MAP3K21: variants seen among roughly 807,000 people sequenced by gnomAD.
MAP3K21 encodes mitogen-activated protein kinase kinase kinase 21.
Under a neutral mutation model 86.1 loss-of-function variants are expected in MAP3K21, and 63 were observed. The observed-to-expected ratio is 0.73, with a 90% CI of 0.60 to 0.90. The LOEUF (loss-of-function observed/expected upper bound fraction) is 0.90, where lower values mean the gene tolerates loss of function less well. Among genes scored for constraint, MAP3K21 ranks in the 40% least tolerant of loss-of-function variants. The pLI, the probability that MAP3K21 is intolerant of heterozygous loss-of-function variation, is 0.00. For missense variants in MAP3K21, 1,220 were observed against 1,367.7 expected (o/e 0.89, Z 1.70); for synonymous variants, 558 against 564.8 (o/e 0.99, Z 0.17).
rs1293979087 is a variant in MAP3K21 at position 233,328,577 on chromosome 1, C to T, written c.549C>T (p.Ile183=). 1 of 1,527,356 alleles carries T rather than the reference C, an allele frequency of 6.5e-7. No homozygotes were observed. The highest frequency in any genetic ancestry group is 1.2e-5 in the South Asian group (1 of 83,356). The allele number at this position is 1,527,356 out of a possible 1,614,324, so 94.6% of individuals were successfully genotyped here. ...TCGCCATGCTGCGGCACCCCAACAT[C>T]ATCGAGCTGCGCGGCGTGTGCCTGC... ...RLFAMLRHPN[I]IELRGVCLQQ... Residue 183 remains isoleucine (I), a synonymous_variant, in exon 1 of 10, where the codon ATC becomes ATT. Coordinates refer to ENST00000366624, the MANE Select transcript of MAP3K21 (RefSeq NM_032435.3). The surrounding 1 kb of genome is among the most constrained non-coding windows in gnomAD (Gnocchi z 8.7).
rs555787597 is a variant in MAP3K21, at chr1:233,370,140, G to A, written c.1553-1898G>A. ...GCTAGGGATGACATGGTGATTGGCC[G>A]TGCAGATGGAGAGAACAAAAGGAAA... On this transcript the variant is annotated intron_variant, in intron 5 of 9. Transcript: ENST00000366624. Among the ~76,000 whole-genome samples, 8 of 152,288 alleles carry A rather than the reference G, an allele frequency of 5.3e-5. No individual in the cohort carries two copies. In the South Asian group the frequency reaches 1.0e-3, roughly 20 times the overall value.
At position 233,375,902 on chromosome 1, in the gene MAP3K21, A is replaced by G. The variant is rs1381696935; in HGVS notation, c.1676-14A>G. ...GATTGTTGTGGTTAATATGGTTAAT[A>G]ATGTTCTTTTTAGTGACTTCAGATG... On this transcript the variant is annotated splice_polypyrimidine_tract_variant and intron_variant, in intron 6 of 9. Transcript: ENST00000366624. 2 of 1,602,998 alleles carry G rather than the reference A, an allele frequency of 1.2e-6. No homozygotes were observed. Among genetic ancestry groups the G allele is most frequent in the South Asian group, 2.2e-5 (2 of 90,348 alleles).
intron 6 of MAP3K21, chr1:233,373,819 G>A (rs1376024305): frequency 6.6e-6 from 1 of 152,244 alleles, no homozygotes; most frequent in African/African-American, 2.4e-5. Context: ...ACATCTGAGT[G>A]TAGATTTCAC....
chr1:233,332,719 A>G (rs1662832478), intron 1 of MAP3K21, among the ~76,000 whole-genome samples: 1 of 152,250 alleles, frequency 6.6e-6, no homozygotes, highest in Non-Finnish European at 1.5e-5. Context: ...GGTTTGAAAT[A>G]TTAGAATTTT....
chr1:233,378,768 C>T (rs538517641), intron 8 of MAP3K21, among the ~76,000 whole-genome samples, 163 bp from the exon 9 acceptor site: 75 of 152,258 alleles, frequency 4.9e-4, no homozygotes, highest in African/African-American at 1.7e-3. Context: ...ACTCTTGCTC[C>T]ATGGAGCCCT....
chr1:233,382,729 T>A lies in MAP3K21; in HGVS notation c.*18T>A. Reference sequence around the variant, plus strand: ...TGTCTTAAACTAAGTGCCTTACTGTTGTTTAAGCATTTTTTTAAGGTGAAC... The same window carrying A: ...TGTCTTAAACTAAGTGCCTTACTGTAGTTTAAGCATTTTTTTAAGGTGAAC... On this transcript the variant is annotated 3_prime_UTR_variant, in exon 10 of 10. Coordinates refer to ENST00000366624, the MANE Select transcript of MAP3K21 (RefSeq NM_032435.3). 1 of 1,597,742 alleles carries A rather than the reference T, an allele frequency of 6.3e-7. No individual in the cohort carries two copies. The highest frequency in any genetic ancestry group is 2.2e-5 in the East Asian group (1 of 44,608).
At chr1:233,369,242 T>TAAA (rs1663639931) in intron 5 of MAP3K21, among the ~76,000 whole-genome samples, 2 of 76,004 alleles carry the variant, frequency 2.6e-5, no homozygotes, top group African/African-American at 8.6e-5. Flanking sequence ...AAAAAAAAAT[T>TAAA]AGCCAGGTGT....
chr1:233,345,250 A>G (rs953425231), intron 1 of MAP3K21, among the ~76,000 whole-genome samples: 1 of 152,232 alleles, frequency 6.6e-6, no homozygotes, highest in African/African-American at 2.4e-5. Context: ...CCAAAGGATT[A>G]TAAATCATGC....
intron 5 of MAP3K21, among the ~76,000 whole-genome samples, chr1:233,371,740 TA>T (rs1364641293): frequency 7.3e-6 from 1 of 136,388 alleles, no homozygotes; most frequent in Non-Finnish European, 1.5e-5. Context: ...GTGGCTTTCA[TA>T]TTTTCCTTTG....
intron 1 of MAP3K21, among the ~76,000 whole-genome samples, chr1:233,336,955 G>A (rs769407452): frequency 2.2e-4 from 34 of 152,174 alleles, no homozygotes; most frequent in South Asian, 2.1e-4. Context: ...GTATTCTGGC[G>A]TATGACTCTG....
chr1:233,380,451 A>G (rs1010303811), intron 9 of MAP3K21, among the ~76,000 whole-genome samples: 32 of 152,096 alleles, frequency 2.1e-4, no homozygotes, highest in Non-Finnish European at 1.3e-4. Flanking sequence ...TACAGACCCT[A>G]TTCCACATAC....
At chr1:233,335,182 A>G (rs1173201377) in intron 1 of MAP3K21, among the ~76,000 whole-genome samples, 3 of 152,002 alleles carry the variant, frequency 2.0e-5, no homozygotes, top group African/African-American at 4.8e-5. Flanking sequence ...AAGCACCCCA[A>G]TGAAGGAATT....
chr1:233,364,770 T>C lies in MAP3K21; in HGVS notation c.1552+2477T>C, dbSNP rs12041987. On this transcript the variant is annotated intron_variant, in intron 5 of 9. Transcript: ENST00000366624. The stretch of plus-strand genomic sequence containing the variant: ...TACACATTTATTTACTTTTTGGCAC[T>C]TAATGAAAGATTCCAGTTAAAACAT... 7.3e-4 allele frequency among the ~76,000 whole-genome samples: 111 copies of C among 152,298 alleles called. No individual in the cohort carries two copies. The East Asian group carries it at 0.02, about 28-fold the overall frequency.
At chr1:233,364,252 G>C (rs1347803104) in intron 5 of MAP3K21, among the ~76,000 whole-genome samples, 1 of 146,108 alleles carries the variant, frequency 6.8e-6, no homozygotes, top group Admixed American at 6.7e-5. Flanking sequence ...TCTGTCTTAC[G>C]TGTCAGTCAG....
At chr1:233,373,428 C>G (rs1466007724) in intron 6 of MAP3K21, 1 of 152,190 alleles carries the variant, frequency 6.6e-6, no homozygotes, top group African/African-American at 2.4e-5. Context: ...AAGATGTGTA[C>G]CAGTTAAAGT....
rs749308249 is a variant in MAP3K21 at position 233,328,321 on chromosome 1, C to G, written c.293C>G (p.Ala98Gly). The G allele has an allele frequency of 6.8e-7, 1 of 1,476,688 alleles. No homozygotes were observed. Among genetic ancestry groups the G allele is most frequent in the Non-Finnish European group, 8.9e-7 (1 of 1,122,032 alleles). 91.5% of individuals were successfully genotyped at this position (1,476,688 alleles called of 1,614,324 possible). Residue 98 changes from alanine (A) to glycine (G), a missense_variant, in exon 1 of 10, where the codon GCT becomes GGT. Ala to Gly is a moderately conservative substitution (Grantham distance 60). Transcript: ENST00000366624. The surrounding 1 kb of genome is among the most constrained non-coding windows in gnomAD (Gnocchi z 8.7). ...GGCATCTTCCCCGCCAACTACGTGGCTCCCTGCCGCCCGGCCGCCAGCCCC... is the reference window on the plus strand; with the variant it reads ...GGCATCTTCCCCGCCAACTACGTGGGTCCCTGCCGCCCGGCCGCCAGCCCC... ...RLGIFPANYVAPCRPAASPAP... is the reference protein window; with the variant it reads ...RLGIFPANYVGPCRPAASPAP...
At chr1:233,357,173 A>G (rs181766353) in intron 4 of MAP3K21, among the ~76,000 whole-genome samples, 344 of 152,252 alleles carry the variant, frequency 2.3e-3, no homozygotes, top group Non-Finnish European at 3.0e-3. Flanking sequence ...CAAACACTGC[A>G]TGTTCTCACT....
chr1:233,363,525 C>T (rs1167853435), intron 5 of MAP3K21, among the ~76,000 whole-genome samples: 2 of 151,730 alleles, frequency 1.3e-5, no homozygotes, highest in Non-Finnish European at 2.9e-5. Flanking sequence ...TGGTGAAACC[C>T]CCTCCGTCTC....
intron 1 of MAP3K21, among the ~76,000 whole-genome samples, chr1:233,338,503 A>T (rs985288043): frequency 6.6e-6 from 1 of 152,172 alleles, no homozygotes; most frequent in African/African-American, 2.4e-5. Context: ...GCAAAGGAGG[A>T]TGGAAATGTT....
Sources: gnomAD v4.1 joint callset for allele counts (sites outside exome capture counted in the v4.1 genomes callset) on GRCh38, gnomAD v4.1.1 for gene constraint, Gnocchi (gnomAD v3.1) non-coding constraint, MANE v1.5 for transcripts, NCBI Gene and HGNC (gene_info 2026-07-23, HGNC 2026-07-21) for gene names.